The following RSF1 variants were observed in gnomAD, a reference collection of about 807,000 sequenced individuals.
RSF1 encodes remodeling and spacing factor 1, also known as HBV pX-associated protein 8.
A neutral mutation model predicts 145.2 loss-of-function variants in RSF1; 13 were observed. That is an observed-to-expected ratio of 0.09 (90% CI 0.06 to 0.14). RSF1 has a LOEUF of 0.14. Among genes scored for constraint, RSF1 ranks in the 10% least tolerant of loss-of-function variants. The pLI is 1.00. For synonymous variants in RSF1, 577 were observed against 592.6 expected (o/e 0.97, Z 0.38); for missense variants, 1,517 against 1,718.2 (o/e 0.88, Z 2.07).
intron 13 of RSF1, 75 bp downstream of exon 13, chr11:77,676,717 G>A: frequency 7.8e-7 from 1 of 1,289,882 alleles, no homozygotes; most frequent in South Asian, 1.4e-5. Flanking sequence ...ATCACAGCAT[G>A]GGCAAGCCTC....
At chr11:77,720,437 T>C (rs1960916915) in intron 5 of RSF1, among the ~76,000 whole-genome samples, 1 of 152,168 alleles carries the variant, frequency 6.6e-6, no homozygotes, top group East Asian at 1.9e-4. Flanking sequence ...TTAAATTCCA[T>C]GGTGTTTTAT....
intron 1 of RSF1, among the ~76,000 whole-genome samples, chr11:77,809,965 T>C (rs1948714602): frequency 6.6e-6 from 1 of 152,206 alleles, no homozygotes; most frequent in South Asian, 2.1e-4. Flanking sequence ...AGTATCAAAC[T>C]CCCTGAGATA....
At chr11:77,801,086 A>G (rs867509284) in intron 1 of RSF1, among the ~76,000 whole-genome samples, 12 of 152,128 alleles carry the variant, frequency 7.9e-5, no homozygotes, top group Middle Eastern at 6.8e-3. Flanking sequence ...CACTTCCCAC[A>G]CTTCCCAATT....
In RSF1 at chr11:77,787,786, T is replaced by C. The variant is rs1173795467; in HGVS notation, c.188-23097A>G. ...TAGCATAGTAAAATTCAGAGTTTAG[T>C]ATCTACTAAAAACTTACCAGGCATT... On this transcript the variant is annotated intron_variant, in intron 1 of 15. Coordinates refer to ENST00000308488, the MANE Select transcript of RSF1 (RefSeq NM_016578.4). Among the ~76,000 whole-genome samples the C allele has an allele frequency of 6.1e-5, 9 of 146,376 alleles. No homozygotes were observed. In the Admixed American group the frequency reaches 6.3e-4, roughly 10 times the overall value.
chr11:77,743,282 G>A (rs1947961884), intron 3 of RSF1, among the ~76,000 whole-genome samples: 1 of 152,164 alleles, frequency 6.6e-6, no homozygotes, highest in South Asian at 2.1e-4. Flanking sequence ...AATGCCATTG[G>A]AATTTGATAG....
At chr11:77,728,997 T>C (rs764527718) in intron 4 of RSF1, among the ~76,000 whole-genome samples, 1 of 152,146 alleles carries the variant, frequency 6.6e-6, no homozygotes, top group Non-Finnish European at 1.5e-5. Flanking sequence ...TTGGATTTGC[T>C]GTTAGGGTAG....
intron 1 of RSF1, among the ~76,000 whole-genome samples, chr11:77,797,023 T>C (rs1173714615): frequency 6.6e-6 from 1 of 152,128 alleles, no homozygotes; most frequent in East Asian, 1.9e-4. Context: ...CACAAACAAA[T>C]GGAAAAACAT....
chr11:77,740,580 G>T (rs879178949), intron 4 of RSF1, 151 bp downstream of exon 4: 1 of 640,014 alleles, frequency 1.6e-6, no homozygotes, highest in Non-Finnish European at 2.8e-6. Context: ...CATACTATGG[G>T]TATTACGCTG....
intron 5 of RSF1, among the ~76,000 whole-genome samples, chr11:77,717,358 C>T (rs377033032): frequency 8.5e-5 from 13 of 152,140 alleles, no homozygotes; most frequent in Middle Eastern, 3.4e-3. Context: ...GTTCCTGGAC[C>T]CTCTCAACAT....
chr11:77,805,264 T>C (rs531836608), intron 1 of RSF1, among the ~76,000 whole-genome samples: 1 of 151,750 alleles, frequency 6.6e-6, no homozygotes, highest in East Asian at 1.9e-4. Context: ...AGGTCAGGAG[T>C]TCGAGACCAG....
At position 77,701,329 on chromosome 11, in the gene RSF1, T is replaced by C. The variant is rs758578787; in HGVS notation, c.1900A>G (p.Ile634Val). ...EAAETSPPSN[I>V]IDHCEKLASE... ...GCTAGTTTCTCACAGTGGTCAATGA[T>C]ATTAGATGGTGGAGAAGTTTCAGCT... The change falls in exon 6 of 16, where the codon ATC becomes GTC. Residue 634 changes from isoleucine (I) to valine (V), a missense_variant. By Grantham distance (29) the Ile-to-Val change is conservative (BLOSUM62 3). Around this residue, in one of 12 missense-constraint regions of RSF1, gnomAD observed 579 missense variants for 553.5 expected, o/e 1.05. Transcript: ENST00000308488. The C allele has an allele frequency of 1.6e-5, 26 of 1,613,964 alleles. No individual in the cohort carries two copies. The highest frequency in any genetic ancestry group is 2.2e-5 in the Non-Finnish European group (26 of 1,180,020).
chr11:77,811,873 G>A (rs918232670), intron 1 of RSF1, among the ~76,000 whole-genome samples: 1 of 152,146 alleles, frequency 6.6e-6, no homozygotes, highest in Admixed American at 6.6e-5. Flanking sequence ...GGTAATTCAA[G>A]ATTAAGAATA....
At chr11:77,809,688 T>C (rs1032795020) in intron 1 of RSF1, among the ~76,000 whole-genome samples, 6 of 152,230 alleles carry the variant, frequency 3.9e-5, no homozygotes, top group African/African-American at 1.2e-4. Flanking sequence ...ATGGTTCTGA[T>C]AAACTGGAGG....
In RSF1 at chr11:77,660,996, G is replaced by C. The variant is rs1290695362; in HGVS notation, c.*5921C>G. 1 of 152,170 alleles carries C rather than the reference G, an allele frequency of 6.6e-6. No individual in the cohort carries two copies. Among genetic ancestry groups the C allele is most frequent in the African/African-American group, 2.4e-5 (1 of 41,430 alleles). 9.4% of individuals were successfully genotyped at this position (152,170 alleles called of 1,614,324 possible). A position where few individuals can be genotyped will look rare whatever the true frequency, so the allele number is the denominator to read the frequency against. On this transcript the variant is annotated 3_prime_UTR_variant, in exon 16 of 16. Coordinates refer to ENST00000308488, the MANE Select transcript of RSF1 (RefSeq NM_016578.4). ...ATGTGCCATGTAAAAGACTGTGCTA[G>C]AATCAGAAGTTCTACAAGATTTCAA...
intron 5 of RSF1, among the ~76,000 whole-genome samples, chr11:77,723,869 T>C (rs1960992243): frequency 6.6e-6 from 1 of 152,192 alleles, no homozygotes; most frequent in South Asian, 2.1e-4. Context: ...CAATAACAAA[T>C]ATTAACTAAA....
At chr11:77,716,793 C>T (rs1457607199) in intron 5 of RSF1, among the ~76,000 whole-genome samples, 2 of 152,178 alleles carry the variant, frequency 1.3e-5, no homozygotes, top group Non-Finnish European at 2.9e-5. Flanking sequence ...TGAGTCAATG[C>T]ATATGGTAAT....
At chr11:77,841,293 C>A in the RSF1 span, 1 of 699,404 alleles carries the variant, frequency 1.4e-6, no homozygotes, top group South Asian at 1.5e-5. Flanking sequence ...TGCAGACATT[C>A]AAACCATAGC....
Position 77,666,820 on chromosome 11 carries a change from TG to T in RSF1, c.*96del. 9.9e-7 allele frequency: 1 copy of T among 1,006,814 alleles called. No homozygotes were observed. Among genetic ancestry groups the T allele is most frequent in the Non-Finnish European group, 1.4e-6 (1 of 704,070 alleles). 62.4% of individuals were successfully genotyped at this position (1,006,814 alleles called of 1,614,324 possible). ...TTTTCTTCTAAAAGTCATTCTGTAG[TG>T]GAGTTTTCTAGGAAAAATTAAACAG... is the stretch of plus-strand genomic sequence containing the variant. On this transcript the variant is annotated 3_prime_UTR_variant, in exon 16 of 16. Coordinates refer to ENST00000308488, the MANE Select transcript of RSF1 (RefSeq NM_016578.4).
rs1959398278 is a variant in RSF1 at position 77,667,477 on chromosome 11, T to G, written c.3766A>C (p.Lys1256Gln). 6.2e-6 allele frequency: 10 copies of G among 1,610,150 alleles called. No homozygotes were observed. Among genetic ancestry groups the G allele is most frequent in the Non-Finnish European group, 8.5e-6 (10 of 1,179,398 alleles). The stretch of plus-strand genomic sequence containing the variant: ...GCTAGCTCATCATCTTCAGAGTTCT[T>G]GGACAAATAGCTCTCTAGAATAAAC... ...SSESEESYLS[K>Q]NSEDDELAKE... The change falls in exon 16 of 16, where the codon AAG becomes CAG. Residue 1256 changes from lysine to glutamine, a missense_variant. Physicochemically the swap from Lys to Gln is moderately conservative, Grantham distance 53. Coordinates refer to ENST00000308488, the MANE Select transcript of RSF1 (RefSeq NM_016578.4).
Sources: gnomAD v4.1 joint callset for allele counts (sites outside exome capture counted in the v4.1 genomes callset) on GRCh38, gnomAD v4.1.1 for gene constraint, gnomAD v4.1.1 regional missense constraint, MANE v1.5 for transcripts, NCBI Gene and HGNC (gene_info 2026-07-23, HGNC 2026-07-21) for gene names.